PHIP: variants seen among roughly 807,000 people sequenced by gnomAD.
PHIP encodes PH-interacting protein.
PHIP carries 54 observed loss-of-function variants against 236.8 expected under a neutral mutation model. The ratio of observed to expected loss-of-function variants is 0.23; its 90% confidence interval spans 0.18 to 0.29. The LOEUF (loss-of-function observed/expected upper bound fraction) is 0.29, where lower values mean the gene tolerates loss of function less well. Ranked by LOEUF, PHIP falls within the 10% of genes least tolerant of loss-of-function variation. The pLI is 1.00. For synonymous variants in PHIP, 756 were observed against 718.9 expected (o/e 1.05, Z -0.83); for missense variants, 1,370 against 2,190.8 (o/e 0.63, Z 7.48).
chr6:79,014,198 T>C (rs367636540), intron 15 of PHIP, among the ~76,000 whole-genome samples: 1 of 151,786 alleles, frequency 6.6e-6, no homozygotes, highest in East Asian at 1.9e-4. Flanking sequence ...ACTCTGATTA[T>C]CAATCAAGCA....
intron 7 of PHIP, among the ~76,000 whole-genome samples, chr6:79,037,211 T>C (rs1028910109): frequency 1.2e-4 from 18 of 152,298 alleles, no homozygotes; most frequent in Middle Eastern, 3.4e-3. Flanking sequence ...TTTGGAATAC[T>C]TTCTCAGGCT....
chr6:78,997,651 T>C, intron 18 of PHIP, 54 bp from the exon 19 acceptor site: 1 of 1,353,140 alleles, frequency 7.4e-7, no homozygotes, highest in Non-Finnish European at 1.0e-6. Flanking sequence ...TCTCCATTAG[T>C]TTATAACAGA....
At chr6:78,972,691 A>T (rs1767682990) in intron 24 of PHIP, among the ~76,000 whole-genome samples, 1 of 152,232 alleles carries the variant, frequency 6.6e-6, no homozygotes, top group Admixed American at 6.5e-5. Flanking sequence ...AAAGGAGCTG[A>T]TAGAGCTGAA....
At chr6:78,982,292 T>A (rs1032060072) in intron 23 of PHIP, among the ~76,000 whole-genome samples, 1 of 152,086 alleles carries the variant, frequency 6.6e-6, no homozygotes, top group Non-Finnish European at 1.5e-5. Flanking sequence ...TCTTACGTTC[T>A]CTGCTTTCTC....
chr6:79,021,093 T>C (rs971858415), intron 9 of PHIP, among the ~76,000 whole-genome samples: 9 of 152,358 alleles, frequency 5.9e-5, no homozygotes, highest in Admixed American at 2.6e-4. Flanking sequence ...TAGACACTTC[T>C]CTTTACACAC....
At chr6:78,996,193 C>T (rs1448519918) in intron 19 of PHIP, among the ~76,000 whole-genome samples, 1 of 152,128 alleles carries the variant, frequency 6.6e-6, no homozygotes, top group African/African-American at 2.4e-5. Context: ...CACAGCCCAG[C>T]CTTATGCCAT....
chr6:78,992,164 G>A (rs552924659), intron 19 of PHIP, among the ~76,000 whole-genome samples: 14 of 151,830 alleles, frequency 9.2e-5, no homozygotes, highest in Non-Finnish European at 1.9e-4. Flanking sequence ...GGGGTCCACT[G>A]TGCTAGCCAG....
At chr6:79,058,220 A>G (rs1773172066) in intron 6 of PHIP, among the ~76,000 whole-genome samples, 1 of 152,048 alleles carries the variant, frequency 6.6e-6, no homozygotes, top group Non-Finnish European at 1.5e-5. Flanking sequence ...AAATGAATCA[A>G]TTACATTTCT....
intron 6 of PHIP, among the ~76,000 whole-genome samples, chr6:79,059,959 G>C (rs1773287966): frequency 1.3e-5 from 2 of 151,900 alleles, no homozygotes; most frequent in South Asian, 4.2e-4. Flanking sequence ...GACACCATAG[G>C]CAAGAAGATT....
At position 79,015,515 on chromosome 6, in the gene PHIP, T is replaced by C. The variant is rs185674958; in HGVS notation, c.1389+115A>G. The C allele has an allele frequency of 1.7e-5, 13 of 784,164 alleles. No homozygotes were observed. The African/African-American group carries it at 1.8e-4, about 11-fold the overall frequency. The allele number at this position is 784,164 out of a possible 1,614,324, so 48.6% of individuals were successfully genotyped here. A position where few individuals can be genotyped will look rare whatever the true frequency, so the allele number is the denominator to read the frequency against. On this transcript the variant is annotated intron_variant, in intron 14 of 39. Transcript: ENST00000275034. Reference sequence around the variant, plus strand: ...TATTCCCAATCACTCACAAAGCCGTTACCCCAGCAAGCAAGAGTTTTTAGC... The same window carrying C: ...TATTCCCAATCACTCACAAAGCCGTCACCCCAGCAAGCAAGAGTTTTTAGC...
intron 4 of PHIP, among the ~76,000 whole-genome samples, chr6:79,068,752 T>C (rs916956470): frequency 1.3e-5 from 2 of 152,230 alleles, no homozygotes; most frequent in East Asian, 1.9e-4. Context: ...TAAATCTAAA[T>C]AGGAAAAAAA....
intron 7 of PHIP, 72 bp downstream of exon 7, chr6:79,042,771 T>TC (rs1772290627): frequency 4.3e-6 from 5 of 1,152,514 alleles, no homozygotes; most frequent in Non-Finnish European, 2.4e-6. Flanking sequence ...AGGTTTTACT[T>TC]CAAGTTCACC....
At chr6:78,967,419 G>C (rs1388781002) in intron 27 of PHIP, among the ~76,000 whole-genome samples, 1 of 152,196 alleles carries the variant, frequency 6.6e-6, no homozygotes, top group African/African-American at 2.4e-5. Context: ...AGGAAGGACT[G>C]AGTAATGTGT....
intron 9 of PHIP, among the ~76,000 whole-genome samples, chr6:79,024,729 C>T (rs981500457): frequency 3.3e-5 from 5 of 151,998 alleles, no homozygotes; most frequent in African/African-American, 9.7e-5. Context: ...GGTGTGAACC[C>T]GGGAGGCAGA....
intron 9 of PHIP, among the ~76,000 whole-genome samples, chr6:79,022,642 A>G (rs138164246): frequency 1.8e-4 from 28 of 152,350 alleles, no homozygotes; most frequent in African/African-American, 5.3e-4. Flanking sequence ...TATTATATGC[A>G]TATTTTAGGA....
chr6:78,946,082 C>T lies in PHIP; in HGVS notation c.4549G>A (p.Val1517Ile), dbSNP rs1417528601. 6.2e-7 allele frequency: 1 copy of T among 1,613,228 alleles called. No homozygotes were observed. The change falls in exon 38 of 40, where the codon GTC (valine) becomes ATC (isoleucine). Residue 1517 changes from valine to isoleucine, a missense_variant. Coordinates refer to ENST00000275034, the MANE Select transcript of PHIP (RefSeq NM_017934.7). Reference protein sequence around the residue: ...RSNRVVVDPVVTEQPSTSSAA... With the variant: ...RSNRVVVDPVITEQPSTSSAA... The stretch of plus-strand genomic sequence containing the variant: ...GAAGAAGTAGATGGTTGCTCAGTGA[C>T]AACTGGATCTACAACCACTCGGTTG...
intron 4 of PHIP, among the ~76,000 whole-genome samples, chr6:79,064,397 T>C (rs1446922609): frequency 6.6e-6 from 1 of 152,172 alleles, no homozygotes; most frequent in East Asian, 1.9e-4. Flanking sequence ...TCCGGAAACA[T>C]GTTTTTAAAA....
chr6:79,053,590 G>A (rs1363091946), intron 6 of PHIP, among the ~76,000 whole-genome samples: 4 of 152,106 alleles, frequency 2.6e-5, no homozygotes, highest in Non-Finnish European at 4.4e-5. Context: ...TATCTATTCA[G>A]CCTGATCTGA....
chr6:78,998,572 A>C (rs1345568177), intron 17 of PHIP, among the ~76,000 whole-genome samples, 181 bp from the exon 18 acceptor site: 1 of 152,180 alleles, frequency 6.6e-6, no homozygotes, highest in Non-Finnish European at 1.5e-5. Context: ...TGTCCATCTT[A>C]GTTTATCAAA....
Sources: gnomAD v4.1 joint callset for allele counts (sites outside exome capture counted in the v4.1 genomes callset) on GRCh38, gnomAD v4.1.1 for gene constraint, MANE v1.5 for transcripts, NCBI Gene and HGNC (gene_info 2026-07-23, HGNC 2026-07-21) for gene names.